Variants in RASSF8 observed in about 807,000 individuals in gnomAD.
The protein encoded by RASSF8 is Ras association domain family member 8.
A neutral mutation model predicts 48.5 loss-of-function variants in RASSF8; 22 were observed. The observed-to-expected ratio is 0.45, with a 90% CI of 0.32 to 0.65. The LOEUF (loss-of-function observed/expected upper bound fraction) is 0.65. Among genes scored for constraint, RASSF8 ranks in the 30% least tolerant of loss-of-function variants. RASSF8 has a pLI of 0.03. For missense variants in RASSF8, 418 were observed against 489.2 expected (o/e 0.85, Z 1.37); for synonymous variants, 127 against 171.5 (o/e 0.74, Z 2.03).
intron 2 of RASSF8, among the ~76,000 whole-genome samples, chr12:26,003,443 G>GAAGT (rs10634779): frequency 0.37 from 56,253 of 151,776 alleles, 11,101 homozygotes; most frequent in Non-Finnish European, 0.44. Context: ...GGCAGTGGGA[G>GAAGT]AAGTAAGGTA....
intron 1 of RASSF8, among the ~76,000 whole-genome samples, chr12:25,962,341 TCTC>T (rs1941256358): frequency 6.6e-6 from 1 of 152,218 alleles, no homozygotes; most frequent in South Asian, 2.1e-4. Context: ...ATAAAGGTCT[TCTC>T]TGACAAGCCC....
chr12:26,058,227 T>TATATTTACGATTGAAG (rs1384973059), intron 3 of RASSF8, among the ~76,000 whole-genome samples: 1 of 152,256 alleles, frequency 6.6e-6, no homozygotes, highest in Admixed American at 6.5e-5. Context: ...TTCTGTATCG[T>TATATTTACGATTGAAG]AAATACTTCA....
chr12:26,025,813 T>C (rs946977632), intron 2 of RASSF8, among the ~76,000 whole-genome samples: 5 of 151,964 alleles, frequency 3.3e-5, no homozygotes, highest in South Asian at 2.1e-4. Flanking sequence ...ATAAAATGCT[T>C]AGGAATAAAT....
chr12:26,047,469 A>G (rs1297345974), intron 2 of RASSF8, among the ~76,000 whole-genome samples: 1 of 152,190 alleles, frequency 6.6e-6, no homozygotes, highest in East Asian at 1.9e-4. Context: ...AAACTTAATC[A>G]TTTAATTTCA....
At chr12:25,973,276 G>T (rs577658848) in intron 1 of RASSF8, among the ~76,000 whole-genome samples, 27 of 152,066 alleles carry the variant, frequency 1.8e-4, no homozygotes, top group African/African-American at 6.3e-4. Flanking sequence ...TGGCCAGTTT[G>T]GCTAGACTGT....
intron 2 of RASSF8, among the ~76,000 whole-genome samples, chr12:26,023,777 A>G (rs185832357): frequency 2.0e-5 from 3 of 152,328 alleles, no homozygotes; most frequent in East Asian, 1.9e-4. Context: ...AAAAGAAATT[A>G]TAAAAAAAGT....
chr12:26,073,748 T>TACACACACACAC (rs5797160), downstream of RASSF8, among the ~76,000 whole-genome samples: 26 of 134,762 alleles, frequency 1.9e-4, 1 homozygote, highest in African/African-American at 6.4e-4. Flanking sequence ...TCTCTCTCTA[T>TACACACACACAC]ACACACACAC....
At chr12:25,986,247 C>T (rs1022863879) in intron 1 of RASSF8, among the ~76,000 whole-genome samples, 1 of 152,182 alleles carries the variant, frequency 6.6e-6, no homozygotes, top group Non-Finnish European at 1.5e-5. Context: ...CAGGCTCCTG[C>T]ACTTCACAGG....
intron 2 of RASSF8, among the ~76,000 whole-genome samples, chr12:26,008,269 T>A (rs1942439210): frequency 6.7e-6 from 1 of 148,234 alleles, no homozygotes; most frequent in Admixed American, 6.7e-5. Context: ...AGACTCCGTT[T>A]AAAAAAAAAA....
intron 1 of RASSF8, among the ~76,000 whole-genome samples, chr12:25,967,917 C>T (rs1048199106): frequency 6.6e-6 from 1 of 152,216 alleles, no homozygotes; most frequent in Non-Finnish European, 1.5e-5. Flanking sequence ...GAGAAGAGCT[C>T]CTCACCATGC....
chr12:26,061,074 A>G (rs1329704502), intron 3 of RASSF8, among the ~76,000 whole-genome samples: 4 of 152,260 alleles, frequency 2.6e-5, no homozygotes, highest in Non-Finnish European at 5.9e-5. Context: ...TTTCTGACAC[A>G]TATGTGGTGT....
chr12:26,010,877 G>A (rs922318968), intron 2 of RASSF8, among the ~76,000 whole-genome samples: 9 of 151,746 alleles, frequency 5.9e-5, no homozygotes, highest in African/African-American at 2.2e-4. Context: ...ATAAAAGAGG[G>A]TCAATCCTGG....
chr12:26,062,984 A>G (rs755833993), intron 3 of RASSF8, among the ~76,000 whole-genome samples: 1 of 152,198 alleles, frequency 6.6e-6, no homozygotes, highest in Admixed American at 6.5e-5. Flanking sequence ...GAACACACTC[A>G]TATGCTTATA....
At chr12:26,035,528 TTA>T (rs1311050922) in intron 2 of RASSF8, among the ~76,000 whole-genome samples, 1 of 143,082 alleles carries the variant, frequency 7.0e-6, no homozygotes, top group African/African-American at 2.6e-5. Flanking sequence ...TTATATGAAA[TTA>T]TATATAAAAA....
In RASSF8 at chr12:26,072,216, T is replaced by C; in HGVS notation, c.*3398T>C. 1.0e-6 allele frequency: 1 copy of C among 969,794 alleles called. No individual in the cohort carries two copies. The allele number at this position is 969,794 out of a possible 1,614,324, so 60.1% of individuals were successfully genotyped here. A position where few individuals can be genotyped will look rare whatever the true frequency, so the allele number is the denominator to read the frequency against. On this transcript the variant is annotated 3_prime_UTR_variant, in exon 6 of 6. Coordinates refer to ENST00000689635, the MANE Select transcript of RASSF8 (RefSeq NM_001394098.1). Reference sequence around the variant, plus strand: ...TTTATATTGTGTTAAAATTAGCTTATAATTATTACTTTTGTATTGTGTTCA... The same window carrying C: ...TTTATATTGTGTTAAAATTAGCTTACAATTATTACTTTTGTATTGTGTTCA...
intron 2 of RASSF8, among the ~76,000 whole-genome samples, chr12:26,052,021 A>G (rs1943502419): frequency 6.6e-6 from 1 of 152,232 alleles, no homozygotes; most frequent in Admixed American, 6.5e-5. Context: ...AGACTGAGAA[A>G]GGACACATGT....
At chr12:26,018,351 C>T (rs542519351) in intron 2 of RASSF8, among the ~76,000 whole-genome samples, 1 of 151,984 alleles carries the variant, frequency 6.6e-6, no homozygotes, top group East Asian at 1.9e-4. Flanking sequence ...TTTAATAAAT[C>T]AATTTTTTAA....
At chr12:26,073,746 T>TCTCTCTCTACACACACACACACAC (rs10678881), downstream of RASSF8, among the ~76,000 whole-genome samples, 1 of 46,348 alleles carries the variant, frequency 2.2e-5, no homozygotes, top group African/African-American at 8.9e-5. Context: ...TCTCTCTCTC[T>TCTCTCTCTACACACACACACACAC]ATACACACAC....
chr12:26,077,213 C>T (rs1944080572), downstream of RASSF8, among the ~76,000 whole-genome samples: 1 of 152,126 alleles, frequency 6.6e-6, no homozygotes, highest in South Asian at 2.1e-4. Context: ...CTGAAGGTTG[C>T]CTGTTCACTC....
Sources: allele counts gnomAD v4.1 joint callset (sites outside exome capture counted in the v4.1 genomes callset), GRCh38; gene constraint gnomAD v4.1.1; transcripts MANE v1.5; gene names NCBI Gene and HGNC (gene_info 2026-07-23, HGNC 2026-07-21).